Variants in MYT1L observed in about 807,000 individuals in gnomAD.
MYT1L encodes myelin transcription factor 1-like protein.
In MYT1L, 12 loss-of-function variants were observed where a neutral mutation model predicts 126.7. The observed-to-expected ratio is 0.09, with a 90% CI of 0.06 to 0.15. The LOEUF is 0.15. Among genes scored for constraint, MYT1L ranks in the 10% least tolerant of loss-of-function variants. MYT1L has a pLI of 1.00. For synonymous variants in MYT1L, 541 were observed against 604.2 expected, an observed-to-expected ratio of 0.90 and a Z score of 1.53; for missense variants, 979 against 1,585.2, an observed-to-expected ratio of 0.62 and a Z score of 6.49.
chr2:2,312,579 C>T (rs1386669668), intron 1 of MYT1L, among the ~76,000 whole-genome samples: 3 of 152,134 alleles, frequency 2.0e-5, no homozygotes, highest in Non-Finnish European at 4.4e-5. Flanking sequence ...CACCATGGCA[C>T]TCCAGCCTGG....
At chr2:2,273,518 T>C (rs1482362149) in intron 2 of MYT1L, among the ~76,000 whole-genome samples, 1 of 152,208 alleles carries the variant, frequency 6.6e-6, no homozygotes, top group African/African-American at 2.4e-5. Context: ...TAAGGACCAG[T>C]CTTTGGCCTG....
intron 8 of MYT1L, among the ~76,000 whole-genome samples, chr2:1,977,820 TAAAC>T (rs768607640): frequency 9.9e-5 from 15 of 152,174 alleles, no homozygotes; most frequent in Admixed American, 2.0e-4. Context: ...TTTGAAAACA[TAAAC>T]AATGCAGTGT....
At chr2:1,969,082 G>T (rs1418939575) in intron 8 of MYT1L, among the ~76,000 whole-genome samples, 1 of 152,226 alleles carries the variant, frequency 6.6e-6, no homozygotes, top group East Asian at 1.9e-4. Flanking sequence ...TTGCTTGCCA[G>T]CTACATCAGT....
chr2:2,199,907 T>A (rs1334154069), intron 2 of MYT1L, among the ~76,000 whole-genome samples: 1 of 152,106 alleles, frequency 6.6e-6, no homozygotes, highest in Non-Finnish European at 1.5e-5. Context: ...GAAAATAAAA[T>A]GCAGCTCAGA....
intron 8 of MYT1L, among the ~76,000 whole-genome samples, chr2:1,965,684 G>C (rs1010288801): frequency 2.0e-5 from 3 of 152,184 alleles, no homozygotes; most frequent in African/African-American, 7.2e-5. Flanking sequence ...CTGGTGACTG[G>C]GCAGATGAAG....
At chr2:1,855,897 AAT>A (rs1356213819) in intron 18 of MYT1L, among the ~76,000 whole-genome samples, 3 of 152,196 alleles carry the variant, frequency 2.0e-5, no homozygotes, top group Admixed American at 1.3e-4. Context: ...TTGAAGAAAA[AAT>A]AACTTTTGGT....
chr2:1,979,388 G>C lies in MYT1L; in HGVS notation c.89+133C>G. 8.9e-7 allele frequency: 1 copy of C among 1,124,720 alleles called. No homozygotes were observed. The highest frequency in any genetic ancestry group is 1.3e-6 in the Non-Finnish European group (1 of 745,520). The allele number at this position is 1,124,720 out of a possible 1,614,324, so 69.7% of individuals were successfully genotyped here. On this transcript the variant is annotated intron_variant, in intron 7 of 24. Transcript: ENST00000647738. The surrounding 1 kb of genome is among the most constrained non-coding windows in gnomAD (Gnocchi z 4.0). Reference sequence around the variant, plus strand: ...GGGAGGCTTTTTACGAGCAAGTCTCGGGGGAATTAATTTCATCAGTGCAGC... The same window carrying C: ...GGGAGGCTTTTTACGAGCAAGTCTCCGGGGAATTAATTTCATCAGTGCAGC...
At chr2:1,976,575 G>A (rs1317084177) in intron 8 of MYT1L, among the ~76,000 whole-genome samples, 1 of 152,216 alleles carries the variant, frequency 6.6e-6, no homozygotes, top group African/African-American at 2.4e-5. Context: ...CCAGGAGACA[G>A]AGGTTGCAGT....
chr2:1,885,851 C>T (rs2048109066), intron 18 of MYT1L, among the ~76,000 whole-genome samples: 1 of 152,228 alleles, frequency 6.6e-6, no homozygotes, highest in Non-Finnish European at 1.5e-5. Flanking sequence ...CTTCTACCCA[C>T]TTCTTCCAAA....
chr2:1,798,823 A>T (rs1264897270), intron 23 of MYT1L, among the ~76,000 whole-genome samples: 1 of 152,184 alleles, frequency 6.6e-6, no homozygotes, highest in East Asian at 1.9e-4. Flanking sequence ...GGCCTGCCCC[A>T]CGTTCCTCCT....
intron 21 of MYT1L, among the ~76,000 whole-genome samples, chr2:1,810,647 G>A (rs1558622079): frequency 6.6e-6 from 1 of 151,782 alleles, no homozygotes; most frequent in Non-Finnish European, 1.5e-5. Context: ...ATATAATTAA[G>A]CTTTCTAAAT....
At chr2:1,919,134 T>C (rs916997576) in intron 10 of MYT1L, among the ~76,000 whole-genome samples, 7 of 152,178 alleles carry the variant, frequency 4.6e-5, no homozygotes, top group African/African-American at 9.7e-5. Context: ...TAACAAAATA[T>C]ATGACTTCAC....
In MYT1L at chr2:2,157,044, G is replaced by A. The variant is rs1009761618; in HGVS notation, c.-304+15828C>T. Among the ~76,000 whole-genome samples, 9 of 152,228 alleles carry A rather than the reference G, an allele frequency of 5.9e-5. 1 individual carries two copies. Among genetic ancestry groups the A allele is most frequent in the East Asian group, 5.8e-4 (3 of 5,178 alleles). The stretch of plus-strand genomic sequence containing the variant: ...GTTTTGACCATGTTACAATGGGTTC[G>A]GCAAAATAAGTGTCCTGCTGAAATG... On this transcript the variant is annotated intron_variant, in intron 3 of 24. Coordinates refer to ENST00000647738, the MANE Select transcript of MYT1L (RefSeq NM_001303052.2).
intron 2 of MYT1L, among the ~76,000 whole-genome samples, chr2:2,220,320 G>T (rs1383207167): frequency 6.6e-6 from 1 of 152,114 alleles, no homozygotes; most frequent in African/African-American, 2.4e-5. Context: ...AACTCCAAGG[G>T]GGTTTGGTGG....
intron 13 of MYT1L, among the ~76,000 whole-genome samples, chr2:1,908,166 A>C (rs1265218918): frequency 1.3e-5 from 2 of 152,190 alleles, no homozygotes; most frequent in Non-Finnish European, 2.9e-5. Context: ...TTTTCTTTGC[A>C]CCAATCCAGA....
intron 13 of MYT1L, among the ~76,000 whole-genome samples, chr2:1,905,555 T>C (rs1167387267): frequency 6.6e-6 from 1 of 151,776 alleles, no homozygotes. Context: ...GGTTTCACCA[T>C]GTTGGCCAGG....
intron 3 of MYT1L, among the ~76,000 whole-genome samples, chr2:2,136,647 A>C (rs571281803): frequency 2.4e-4 from 36 of 152,112 alleles, no homozygotes; most frequent in Non-Finnish European, 4.4e-4. Context: ...ATTTTAGTAA[A>C]TCCATATTAT....
chr2:2,261,676 C>G (rs190530224), intron 2 of MYT1L, among the ~76,000 whole-genome samples: 2 of 152,308 alleles, frequency 1.3e-5, no homozygotes, highest in South Asian at 4.1e-4. Context: ...ACAAAAACAA[C>G]GTCCACAATT....
chr2:1,923,043 G>T lies in MYT1L; in HGVS notation c.726C>A (p.Asn242Lys). The stretch of plus-strand genomic sequence containing the variant: ...AACTCAACTCACTTTTCCGACCCAG[G>T]TTTTCGTTTTTGTCACTATCGTCTT... ...SLEDDSDKNE[N>K]LGRKSELSLD... The change falls in exon 10 of 25, where the codon AAC becomes AAA. Residue 242 changes from asparagine to lysine, a missense_variant. By Grantham distance (94) the Asn-to-Lys change is moderately conservative (BLOSUM62 0). Around this residue, in one of 12 missense-constraint regions of MYT1L, gnomAD observed 243 missense variants for 363.9 expected, o/e 0.67. Transcript: ENST00000647738. 3 of 1,613,966 alleles carry T rather than the reference G, an allele frequency of 1.9e-6. No homozygotes were observed. The highest frequency in any genetic ancestry group is 1.7e-6 in the Non-Finnish European group (2 of 1,179,886).
Sources: gnomAD v4.1 joint callset for allele counts (sites outside exome capture counted in the v4.1 genomes callset) on GRCh38, gnomAD v4.1.1 for gene constraint, gnomAD v4.1.1 regional missense constraint, Gnocchi (gnomAD v3.1) non-coding constraint, MANE v1.5 for transcripts, NCBI Gene and HGNC (gene_info 2026-07-23, HGNC 2026-07-21) for gene names.